The following EPB41L3 variants were observed in gnomAD, a reference collection of about 807,000 sequenced individuals.
EPB41L3 encodes erythrocyte membrane protein band 4.1 like 3, also known as band 4.1-like protein 3.
In EPB41L3, 57 loss-of-function variants were observed where a neutral mutation model predicts 127.1. The observed-to-expected ratio is 0.45, with a 90% CI of 0.36 to 0.56. The LOEUF (loss-of-function observed/expected upper bound fraction) is 0.56, where lower values mean the gene tolerates loss of function less well. Ranked by LOEUF, EPB41L3 falls within the 20% of genes least tolerant of loss-of-function variation. The probability of loss-of-function intolerance (pLI) is 0.00; values close to 1 mark genes in which losing one functional copy is unlikely to be tolerated. For synonymous variants in EPB41L3, 572 were observed against 549.5 expected, an observed-to-expected ratio of 1.04 and a Z score of -0.57; for missense variants, 1,273 against 1,372.2, an observed-to-expected ratio of 0.93 and a Z score of 1.14.
chr18:5,552,256 T>C (rs111458168), intron 3 of EPB41L3, among the ~76,000 whole-genome samples: 7 of 152,274 alleles, frequency 4.6e-5, no homozygotes, highest in African/African-American at 1.7e-4. Context: ...GGCTACCCAG[T>C]TCATAGTAAT....
At chr18:5,534,346 C>T (rs997868855) in intron 1 of EPB41L3, among the ~76,000 whole-genome samples, 3 of 152,166 alleles carry the variant, frequency 2.0e-5, no homozygotes, top group Admixed American at 6.5e-5. Context: ...AGACAAAAGT[C>T]GTTAAGACAG....
At chr18:5,418,491 A>G (rs563259851) in intron 12 of EPB41L3, among the ~76,000 whole-genome samples, 8 of 151,950 alleles carry the variant, frequency 5.3e-5, no homozygotes, top group Admixed American at 2.0e-4. Context: ...AGAACCACAT[A>G]TTTGTTTTTT....
At chr18:5,443,801 T>C (rs763173013) in intron 5 of EPB41L3, 37 bp downstream of exon 5, 1 of 1,590,570 alleles carries the variant, frequency 6.3e-7, no homozygotes, top group South Asian at 1.1e-5. Context: ...TCTGAAAACC[T>C]TCACATTTCC....
At chr18:5,398,544 A>C (rs2073972037) in intron 16 of EPB41L3, 1 of 404,232 alleles carries the variant, frequency 2.5e-6, no homozygotes. Context: ...TCTCAACATA[A>C]AGCCAAGCAG....
At chr18:5,522,376 G>A (rs190775783) in intron 1 of EPB41L3, among the ~76,000 whole-genome samples, 247 of 152,066 alleles carry the variant, frequency 1.6e-3, no homozygotes, top group Non-Finnish European at 2.1e-3. Context: ...TGCCTGTCTC[G>A]GCCTCCCAAA....
intron 3 of EPB41L3, among the ~76,000 whole-genome samples, chr18:5,466,597 G>T (rs1327389771): frequency 6.6e-6 from 1 of 152,178 alleles, no homozygotes; most frequent in Non-Finnish European, 1.5e-5. Context: ...TAGACTTTGT[G>T]TTCTCCTTCA....
chr18:5,612,987 G>A (rs997496487), intron 2 of EPB41L3, among the ~76,000 whole-genome samples: 7 of 152,092 alleles, frequency 4.6e-5, no homozygotes, highest in Non-Finnish European at 1.0e-4. Flanking sequence ...GTGATTATCC[G>A]CCTCAGCCTC....
Position 5,428,418 on chromosome 18 carries a change from C to T in EPB41L3, c.960G>A (p.Leu320=). 6.2e-7 allele frequency: 1 copy of T among 1,614,226 alleles called. No homozygotes were observed. ...EIMLGVCASG[L]LIYRDRLRIN... ...TTCGCAGCCGGTCGCGATATATCAA[C>T]AGACCACTTGCACAAACTCCTAACA... The change falls in exon 9 of 23, where the codon CTG becomes CTA. Residue 320 remains leucine (L), a synonymous_variant. Coordinates refer to ENST00000341928, the MANE Select transcript of EPB41L3 (RefSeq NM_012307.5).
At chr18:5,520,565 A>T (rs1234025636) in intron 1 of EPB41L3, among the ~76,000 whole-genome samples, 1 of 152,012 alleles carries the variant, frequency 6.6e-6, no homozygotes, top group African/African-American at 2.4e-5. Flanking sequence ...AATAAAAAAA[A>T]AAAAAAAAAA....
intron 1 of EPB41L3, among the ~76,000 whole-genome samples, chr18:5,503,840 T>C (rs371099824): frequency 6.6e-6 from 1 of 152,230 alleles, no homozygotes; most frequent in Non-Finnish European, 1.5e-5. Context: ...CACTCTTGAA[T>C]TTTAAGATCT....
At chr18:5,478,131 G>T in intron 3 of EPB41L3, 110 bp downstream of exon 3, 1 of 888,082 alleles carries the variant, frequency 1.1e-6, no homozygotes, top group Admixed American at 2.8e-5. Flanking sequence ...GACTGGGTTT[G>T]AGTAATTTTC....
intron 1 of EPB41L3, among the ~76,000 whole-genome samples, chr18:5,529,928 A>ATGTGTGTGTGTGTGTGTGTGTGTGTG (rs10611279): frequency 2.7e-5 from 4 of 146,882 alleles, no homozygotes; most frequent in African/African-American, 1.0e-4. Flanking sequence ...CAACTCATAT[A>ATGTGTGTGTGTGTGTGTGTGTGTGTG]TGTGTGTGTG....
intron 5 of EPB41L3, among the ~76,000 whole-genome samples, chr18:5,441,898 A>G (rs1336448416): frequency 6.6e-6 from 1 of 152,178 alleles, no homozygotes; most frequent in Non-Finnish European, 1.5e-5. Flanking sequence ...TCTTGTTTTG[A>G]TTGTCTTGTC....
At chr18:5,585,853 C>G (rs1489201447) in intron 3 of EPB41L3, among the ~76,000 whole-genome samples, 5 of 152,148 alleles carry the variant, frequency 3.3e-5, no homozygotes, top group African/African-American at 1.2e-4. Flanking sequence ...GGCTTCCTCC[C>G]TGCTTGGGTG....
intron 3 of EPB41L3, among the ~76,000 whole-genome samples, chr18:5,601,737 A>G (rs940130): frequency 0.98 from 149,340 of 152,260 alleles, 73,291 homozygotes; most frequent in East Asian, 1. Context: ...AGGTATTTAC[A>G]TCTGTTACAC....
chr18:5,516,641 G>A (rs191704926), intron 1 of EPB41L3, among the ~76,000 whole-genome samples: 4 of 152,302 alleles, frequency 2.6e-5, no homozygotes, highest in East Asian at 3.9e-4. Flanking sequence ...TATGAATACA[G>A]GGAATGTAAA....
chr18:5,584,084 G>A (rs759144568), intron 3 of EPB41L3, among the ~76,000 whole-genome samples: 5 of 152,208 alleles, frequency 3.3e-5, no homozygotes, highest in Admixed American at 6.5e-5. Context: ...TTACAGGTGT[G>A]AGCCTCTGTG....
chr18:5,618,741 C>A (rs1030557699), intron 1 of EPB41L3, among the ~76,000 whole-genome samples: 5 of 152,138 alleles, frequency 3.3e-5, no homozygotes, highest in African/African-American at 7.2e-5. Context: ...ACAAGCAACC[C>A]CATACGGACA....
intron 1 of EPB41L3, 139 bp from the exon 2 acceptor site, chr18:5,489,333 A>G: frequency 1.1e-6 from 1 of 932,330 alleles, no homozygotes; most frequent in Non-Finnish European, 1.5e-6. Flanking sequence ...TATTCCACAC[A>G]CTGGACAGAT....
Sources: gnomAD v4.1 joint callset for allele counts (sites outside exome capture counted in the v4.1 genomes callset) on GRCh38, gnomAD v4.1.1 for gene constraint, MANE v1.5 for transcripts, NCBI Gene and HGNC (gene_info 2026-07-23, HGNC 2026-07-21) for gene names.